The following DNAH10 variants were observed in gnomAD, a reference collection of about 807,000 sequenced individuals.
The protein encoded by DNAH10 is dynein axonemal heavy chain 10, also known as axonemal beta dynein heavy chain 10.
In DNAH10, 348 loss-of-function variants were observed where a neutral mutation model predicts 506.6. That is an observed-to-expected ratio of 0.69 (90% CI 0.63 to 0.75). The LOEUF (loss-of-function observed/expected upper bound fraction) is 0.75, where lower values mean the gene tolerates loss of function less well. Among genes scored for constraint, DNAH10 ranks in the 30% least tolerant of loss-of-function variants. The pLI is 0.00. For synonymous variants in DNAH10, 2,059 were observed against 2,198.6 expected, an observed-to-expected ratio of 0.94 and a Z score of 1.78; for missense variants, 5,179 against 5,787.1, an observed-to-expected ratio of 0.89 and a Z score of 3.41.
In DNAH10 at chr12:123,903,169, T is replaced by C; in HGVS notation, c.9815+56T>C. The C allele has an allele frequency of 6.6e-7, 1 of 1,520,404 alleles. No homozygotes were observed. Among genetic ancestry groups the C allele is most frequent in the Non-Finnish European group, 8.8e-7 (1 of 1,134,140 alleles). The allele number at this position is 1,520,404 out of a possible 1,614,324, so 94.2% of individuals were successfully genotyped here. On this transcript the variant is annotated intron_variant, in intron 57 of 78. Transcript: ENST00000673944. This position sits in a 1 kb window ranked among gnomAD's most constrained non-coding sequence, Gnocchi z 4.6. ...CCATTCCACCTCTGCAAGCCAGTAGTCTCCATGATCGTGGCAACCAGGAGC... is the reference window on the plus strand; with the variant it reads ...CCATTCCACCTCTGCAAGCCAGTAGCCTCCATGATCGTGGCAACCAGGAGC...
chr12:123,855,983 G>A (rs1313338659), intron 36 of DNAH10, among the ~76,000 whole-genome samples: 3 of 148,118 alleles, frequency 2.0e-5, no homozygotes, highest in African/African-American at 7.4e-5. Context: ...ATTTTCATAT[G>A]AAACTTTGAA....
At chr12:123,866,572 G>A (rs1951821510) in intron 41 of DNAH10, among the ~76,000 whole-genome samples, 1 of 152,126 alleles carries the variant, frequency 6.6e-6, no homozygotes, top group South Asian at 2.1e-4. Context: ...ATAGTTTATA[G>A]CCAGTGGGAT....
At chr12:123,841,862 T>G (rs1306770497) in intron 30 of DNAH10, among the ~76,000 whole-genome samples, 2 of 152,114 alleles carry the variant, frequency 1.3e-5, no homozygotes, top group Non-Finnish European at 2.9e-5. Context: ...ATTTTGTACT[T>G]TTTTGTAGAG....
chr12:123,846,430 G>A lies in DNAH10; in HGVS notation c.5814+276G>A, dbSNP rs138859476. ...ATGCGAAAATGCAGGAATGTCAAAGGTGGTGACTGTTAGGGCAAGTGTGAT... is the reference window on the plus strand; with the variant it reads ...ATGCGAAAATGCAGGAATGTCAAAGATGGTGACTGTTAGGGCAAGTGTGAT... On this transcript the variant is annotated intron_variant, in intron 32 of 78. Coordinates refer to ENST00000673944, the MANE Select transcript of DNAH10 (RefSeq NM_001372106.1). The surrounding 1 kb of genome is among the most constrained non-coding windows in gnomAD (Gnocchi z 4.5). Among the ~76,000 whole-genome samples the A allele has an allele frequency of 6.6e-6, 1 of 152,292 alleles. No homozygotes were observed. The highest frequency in any genetic ancestry group is 1.5e-5 in the Non-Finnish European group (1 of 68,018).
chr12:123,835,015 C>T (rs1296019248), intron 27 of DNAH10, among the ~76,000 whole-genome samples: 1 of 152,158 alleles, frequency 6.6e-6, no homozygotes, highest in African/African-American at 2.4e-5. Flanking sequence ...TCCCTGTTTT[C>T]AATTCTTTTG....
chr12:123,802,384 CA>C (rs1192185688), intron 16 of DNAH10, among the ~76,000 whole-genome samples: 6 of 152,194 alleles, frequency 3.9e-5, no homozygotes, highest in Non-Finnish European at 2.9e-5. Flanking sequence ...CAGCTCACTG[CA>C]ATCTCCACCT....
intron 53 of DNAH10, among the ~76,000 whole-genome samples, chr12:123,894,186 G>A (rs899994989): frequency 6.7e-6 from 1 of 148,942 alleles, no homozygotes; most frequent in African/African-American, 2.5e-5. Context: ...GACCTCCTGG[G>A]CTCAAATGAG....
intron 52 of DNAH10, 119 bp from the exon 53 acceptor site, chr12:123,893,114 C>T (rs1027207875): frequency 1.3e-5 from 14 of 1,087,178 alleles, no homozygotes; most frequent in African/African-American, 7.8e-5. Context: ...CAGGCCCACA[C>T]GCTGCTCTCT....
chr12:123,830,687 T>C lies in DNAH10; in HGVS notation c.4533T>C (p.Val1511=). Residue 1511 remains valine, a synonymous_variant, in exon 26 of 79, where the codon GTT becomes GTC. Transcript: ENST00000673944. ...NEIVTAAIKE[V]AIEKAVKEIL... is the part of the protein sequence containing the mutation. Reference sequence around the variant, plus strand: ...TTGTCACAGCAGCAATCAAGGAGGTTGCCATTGAGAAGGTAAGACTTCAGT... The same window carrying C: ...TTGTCACAGCAGCAATCAAGGAGGTCGCCATTGAGAAGGTAAGACTTCAGT... The C allele has an allele frequency of 6.2e-7, 1 of 1,610,434 alleles. No individual in the cohort carries two copies. The highest frequency in any genetic ancestry group is 8.5e-7 in the Non-Finnish European group (1 of 1,178,420).
At chr12:123,783,740 C>T (rs1007769807) in intron 7 of DNAH10, among the ~76,000 whole-genome samples, 3 of 152,276 alleles carry the variant, frequency 2.0e-5, no homozygotes, top group Admixed American at 6.5e-5. Flanking sequence ...CTCAGTTGTC[C>T]GGAGAAAGGC....
intron 62 of DNAH10, 114 bp downstream of exon 62, chr12:123,915,113 G>C: frequency 1.2e-5 from 17 of 1,373,012 alleles, no homozygotes; most frequent in Non-Finnish European, 1.6e-5. Flanking sequence ...GGGCTGAAAT[G>C]CTTCCATCCT....
chr12:123,775,951 T>G (rs1428544622), intron 5 of DNAH10, among the ~76,000 whole-genome samples: 1 of 152,050 alleles, frequency 6.6e-6, no homozygotes, highest in African/African-American at 2.4e-5. Context: ...AGCAAACACA[T>G]CCTTCTTCAT....
intron 11 of DNAH10, among the ~76,000 whole-genome samples, chr12:123,790,720 G>T (rs899053796): frequency 1.3e-5 from 2 of 152,174 alleles, no homozygotes; most frequent in Non-Finnish European, 2.9e-5. Context: ...AGCTAGAAAG[G>T]TGGGTTGGGT....
intron 12 of DNAH10, among the ~76,000 whole-genome samples, chr12:123,796,146 A>G (rs1436824551): frequency 6.6e-6 from 1 of 152,180 alleles, no homozygotes; most frequent in Non-Finnish European, 1.5e-5. Flanking sequence ...AATTTGGAGC[A>G]TTGCATATGT....
chr12:123,813,153 T>A lies in DNAH10; in HGVS notation c.3145-11T>A. The A allele has an allele frequency of 6.3e-7, 1 of 1,591,590 alleles. No homozygotes were observed. The highest frequency in any genetic ancestry group is 2.2e-5 in the East Asian group (1 of 44,706). On this transcript the variant is annotated splice_polypyrimidine_tract_variant and intron_variant, in intron 19 of 78. Coordinates refer to ENST00000673944, the MANE Select transcript of DNAH10 (RefSeq NM_001372106.1). ...AAATACTGTCTTTTCTCCTAATTCTTACTTTGCCAGCATTTTGTTCGTTGG... is the reference window on the plus strand; with the variant it reads ...AAATACTGTCTTTTCTCCTAATTCTAACTTTGCCAGCATTTTGTTCGTTGG...
chr12:123,764,985 T>G (rs1053381552), intron 1 of DNAH10, among the ~76,000 whole-genome samples: 4 of 152,064 alleles, frequency 2.6e-5, no homozygotes, highest in Non-Finnish European at 5.9e-5. Flanking sequence ...CATATAACCC[T>G]TGAACAGTTT....
chr12:123,833,488 C>A, intron 27 of DNAH10, 141 bp downstream of exon 27: 1 of 693,436 alleles, frequency 1.4e-6, no homozygotes. Context: ...ACTTTTTTGT[C>A]TTGATTTATT....
chr12:123,768,107 G>A (rs898313857), intron 2 of DNAH10, among the ~76,000 whole-genome samples: 3 of 150,856 alleles, frequency 2.0e-5, no homozygotes, highest in Admixed American at 2.0e-4. Flanking sequence ...TTTCTTCTCC[G>A]TGTGTCCTCT....
intron 1 of DNAH10, among the ~76,000 whole-genome samples, chr12:123,764,944 A>G (rs1393547660): frequency 6.6e-6 from 1 of 151,846 alleles, no homozygotes; most frequent in African/African-American, 2.4e-5. Flanking sequence ...ACACGTTGTC[A>G]CTCACTCTCT....
Sources: gnomAD v4.1 joint callset for allele counts (sites outside exome capture counted in the v4.1 genomes callset) on GRCh38, gnomAD v4.1.1 for gene constraint, Gnocchi (gnomAD v3.1) non-coding constraint, MANE v1.5 for transcripts, NCBI Gene and HGNC (gene_info 2026-07-23, HGNC 2026-07-21) for gene names.